ZNF710: variants seen among roughly 807,000 people sequenced by gnomAD.
ZNF710 encodes zinc finger protein 710.
ZNF710 carries 13 observed loss-of-function variants against 50.6 expected under a neutral mutation model. The observed-to-expected ratio is 0.26, with a 90% CI of 0.17 to 0.41. The LOEUF (loss-of-function observed/expected upper bound fraction) is 0.41. ZNF710 is among the 10% of genes least tolerant of loss of function. The probability of loss-of-function intolerance (pLI) is 1.00; values close to 1 mark genes in which losing one functional copy is unlikely to be tolerated. For synonymous variants in ZNF710, 383 were observed against 397.0 expected, an observed-to-expected ratio of 0.96 and a Z score of 0.42; for missense variants, 721 against 936.6, an observed-to-expected ratio of 0.77 and a Z score of 3.01.
rs1339157850 is a variant in ZNF710 at position 90,076,428 on chromosome 15, G to A, written c.1825+2138G>A. The A allele has an allele frequency of 2.0e-5, 3 of 152,206 alleles. No individual in the cohort carries two copies. In the East Asian group the frequency reaches 5.8e-4, roughly 29 times the overall value. 9.4% of individuals were successfully genotyped at this position (152,206 alleles called of 1,614,324 possible). On this transcript the variant is annotated intron_variant, in intron 4 of 4. Transcript: ENST00000268154. ...CTGGGACCATGAAGAGACTGTCAGT[G>A]TTACAGCTCTTTTAGAATTTGTTAG...
chr15:90,036,928 G>A (rs1056370831), intron 1 of ZNF710, among the ~76,000 whole-genome samples: 1 of 152,198 alleles, frequency 6.6e-6, no homozygotes, highest in Non-Finnish European at 1.5e-5. Flanking sequence ...AGCCCAGGTT[G>A]CTAAAGAGGC....
chr15:90,048,791 G>T (rs919767518), intron 1 of ZNF710, among the ~76,000 whole-genome samples: 1 of 152,168 alleles, frequency 6.6e-6, no homozygotes, highest in Non-Finnish European at 1.5e-5. Context: ...CACAGAAGAT[G>T]CCTTCCCGCC....
chr15:90,072,792 A>G (rs1429336352), intron 2 of ZNF710, among the ~76,000 whole-genome samples: 1 of 152,080 alleles, frequency 6.6e-6, no homozygotes, highest in African/African-American at 2.4e-5. Context: ...GTACACATCC[A>G]CCCTGGGGGC....
At chr15:90,053,252 C>A (rs1319524947) in intron 1 of ZNF710, among the ~76,000 whole-genome samples, 2 of 152,160 alleles carry the variant, frequency 1.3e-5, no homozygotes, top group Non-Finnish European at 2.9e-5. Context: ...CAGCCTGGGG[C>A]CAGGCCCTGT....
At chr15:90,003,289 C>T (rs1364081170) in intron 1 of ZNF710, among the ~76,000 whole-genome samples, 1 of 152,160 alleles carries the variant, frequency 6.6e-6, no homozygotes, top group Non-Finnish European at 1.5e-5. Flanking sequence ...ACCTTTCTTG[C>T]TGTGCAAAAT....
intron 1 of ZNF710, among the ~76,000 whole-genome samples, chr15:90,030,891 C>T (rs553314949): frequency 3.2e-4 from 49 of 151,822 alleles, no homozygotes; most frequent in African/African-American, 1.1e-3. Context: ...TGGTGGCGCG[C>T]GCCTGTAGTC....
Position 90,067,636 on chromosome 15 carries a change from A to G in ZNF710, c.499A>G (p.Lys167Glu), listed in dbSNP as rs1211152753. ...GATCGACCTCAGCGCCTTCAGCCGC[A>G]AGCCCCGGACGCTCCGGCATCTGCC... is the stretch of plus-strand genomic sequence containing the variant. ...KMIDLSAFSR[K>E]PRTLRHLPRT... The change falls in exon 2 of 5, where the codon AAG (lysine) becomes GAG (glutamate). Residue 167 changes from lysine to glutamate, a missense_variant. Physicochemically the swap from Lys to Glu is moderately conservative, Grantham distance 56 (BLOSUM62 1). Transcript: ENST00000268154. The surrounding 1 kb of genome is among the most constrained non-coding windows in gnomAD (Gnocchi z 8.1). 2 of 1,612,670 alleles carry G rather than the reference A, an allele frequency of 1.2e-6. No homozygotes were observed.
rs200426590 is a variant in ZNF710 at position 90,068,208 on chromosome 15, C to T, written c.1071C>T (p.His357=). ...GGCCCCACAAGTGCCAGGTATGCCA[C>T]AAGGCCTTCACGCAGACCAGCCACC... ...GTRPHKCQVC[H]KAFTQTSHLK... The change falls in exon 2 of 5, where the codon CAC becomes CAT. Residue 357 remains histidine, a synonymous_variant. Coordinates refer to ENST00000268154, the MANE Select transcript of ZNF710 (RefSeq NM_198526.4). The surrounding 1 kb of genome is among the most constrained non-coding windows in gnomAD (Gnocchi z 5.0). 1.9e-5 allele frequency: 31 copies of T among 1,613,922 alleles called. No individual in the cohort carries two copies. The East Asian group carries it at 6.9e-4, about 36-fold the overall frequency.
At chr15:90,012,519 C>G (rs1055764180) in intron 1 of ZNF710, among the ~76,000 whole-genome samples, 1 of 152,052 alleles carries the variant, frequency 6.6e-6, no homozygotes, top group Non-Finnish European at 1.5e-5. Flanking sequence ...ATCCACCCGC[C>G]TCGGCCTCCC....
At chr15:90,073,810 G>A (rs1189816356) in intron 3 of ZNF710, among the ~76,000 whole-genome samples, 5 of 151,958 alleles carry the variant, frequency 3.3e-5, no homozygotes, top group Non-Finnish European at 7.4e-5. Context: ...CCAATGTGGT[G>A]AAACCCCTTC....
rs376787655 is a variant in ZNF710, at chr15:90,073,378, C to A, written c.1650+116C>A. The A allele has an allele frequency of 4.7e-6, 6 of 1,266,380 alleles. No individual in the cohort carries two copies. In the African/African-American group the frequency reaches 8.9e-5, roughly 19 times the overall value. The allele number at this position is 1,266,380 out of a possible 1,614,324, so 78.4% of individuals were successfully genotyped here. A position where few individuals can be genotyped will look rare whatever the true frequency, so the allele number is the denominator to read the frequency against. On this transcript the variant is annotated intron_variant, in intron 3 of 4. Coordinates refer to ENST00000268154, the MANE Select transcript of ZNF710 (RefSeq NM_198526.4). ...GCCTGGCCAGTGCGGGCAAGAGGAG[C>A]CCCGGCTGGGTGAAACTTAGCCTGG...
intron 1 of ZNF710, chr15:90,024,918 C>G (rs1198555055): frequency 6.6e-6 from 1 of 152,268 alleles, no homozygotes; most frequent in African/African-American, 2.4e-5. Flanking sequence ...CCTCTGAATT[C>G]ACTTGGTCTC....
At chr15:90,033,111 T>A (rs918654312) in intron 1 of ZNF710, among the ~76,000 whole-genome samples, 2 of 152,150 alleles carry the variant, frequency 1.3e-5, no homozygotes, top group African/African-American at 4.8e-5. Context: ...GAGCTAAACA[T>A]AGAAAATGGG....
chr15:90,046,791 A>G lies in ZNF710; in HGVS notation c.-28-20319A>G, dbSNP rs568612184. Among the ~76,000 whole-genome samples, 20 of 152,276 alleles carry G rather than the reference A, an allele frequency of 1.3e-4. No homozygotes were observed. In the South Asian group the frequency reaches 2.7e-3, roughly 21 times the overall value. On this transcript the variant is annotated intron_variant, in intron 1 of 4. Coordinates refer to ENST00000268154, the MANE Select transcript of ZNF710 (RefSeq NM_198526.4). ...GTCCTCCCTCTGAGTCTGGGTGACC[A>G]AGACAAGATGAGCTGTGGTGTGGGT...
At chr15:90,013,372 G>C (rs932243537) in intron 1 of ZNF710, among the ~76,000 whole-genome samples, 1 of 152,206 alleles carries the variant, frequency 6.6e-6, no homozygotes, top group African/African-American at 2.4e-5. Flanking sequence ...CAAAGTACTG[G>C]TATTACAGGT....
chr15:90,073,056 C>T lies in ZNF710; in HGVS notation c.1459-15C>T. 2 of 1,608,740 alleles carry T rather than the reference C, an allele frequency of 1.2e-6. No individual in the cohort carries two copies. Among genetic ancestry groups the T allele is most frequent in the Non-Finnish European group, 1.7e-6 (2 of 1,176,466 alleles). ...GCCCATTGTGTGGCCCTGACCATCA[C>T]CCCCCACCCCACAGGGCGTGAAGGA... On this transcript the variant is annotated splice_polypyrimidine_tract_variant and intron_variant, in intron 2 of 4. Transcript: ENST00000268154.
rs146302545 is a variant in ZNF710, at chr15:90,068,376, C to T, written c.1239C>T (p.Gly413=). ...GCTGCCATGTCTGCGTCGAGTGCGGCCTGGACTTCTCCACCCTGACCCAGC... is the reference window on the plus strand; with the variant it reads ...GCTGCCATGTCTGCGTCGAGTGCGGTCTGGACTTCTCCACCCTGACCCAGC... The part of the protein sequence containing the change: ...SGRCHVCVEC[G]LDFSTLTQLK... The change falls in exon 2 of 5, where the codon GGC becomes GGT. Residue 413 remains glycine, a synonymous_variant. Coordinates refer to ENST00000268154, the MANE Select transcript of ZNF710 (RefSeq NM_198526.4). This position sits in a 1 kb window ranked among gnomAD's most constrained non-coding sequence, Gnocchi z 5.0. 1.9e-6 allele frequency: 3 copies of T among 1,612,828 alleles called. No homozygotes were observed. Among genetic ancestry groups the T allele is most frequent in the Non-Finnish European group, 2.5e-6 (3 of 1,179,586 alleles).
chr15:90,005,940 A>C (rs1898130020), intron 1 of ZNF710, among the ~76,000 whole-genome samples: 2 of 152,176 alleles, frequency 1.3e-5, no homozygotes, highest in Non-Finnish European at 2.9e-5. Flanking sequence ...CTGGTATCTA[A>C]ACCCAGGCTG....
chr15:90,039,452 G>A (rs1230244387), intron 1 of ZNF710, among the ~76,000 whole-genome samples: 1 of 152,192 alleles, frequency 6.6e-6, no homozygotes, highest in Non-Finnish European at 1.5e-5. Context: ...CCACTGTGGG[G>A]CTTTCTGCAG....
Sources: allele counts gnomAD v4.1 joint callset (sites outside exome capture counted in the v4.1 genomes callset), GRCh38; gene constraint gnomAD v4.1.1; non-coding constraint Gnocchi (gnomAD v3.1); transcripts MANE v1.5; gene names NCBI Gene and HGNC (gene_info 2026-07-23, HGNC 2026-07-21).